The following DCC variants were observed in gnomAD, a reference collection of about 807,000 sequenced individuals.
DCC encodes DCC netrin 1 receptor.
Under a neutral mutation model 172.5 loss-of-function variants are expected in DCC, and 58 were observed. The observed-to-expected ratio is 0.34, with a 90% CI of 0.27 to 0.42. The LOEUF (loss-of-function observed/expected upper bound fraction) is 0.42. Ranked by LOEUF, DCC falls within the 10% of genes least tolerant of loss-of-function variation. DCC has a pLI of 1.00. For synonymous variants in DCC, 709 were observed against 644.5 expected (o/e 1.10, Z -1.52); for missense variants, 1,740 against 1,791.0 (o/e 0.97, Z 0.51).
intron 1 of DCC, among the ~76,000 whole-genome samples, chr18:52,725,422 A>G (rs1599050726): frequency 1.3e-5 from 2 of 152,378 alleles, no homozygotes; most frequent in South Asian, 4.1e-4. Context: ...ACGGTGACAT[A>G]ATAGAATAAT....
At chr18:53,524,017 C>G (rs553082866) in intron 27 of DCC, among the ~76,000 whole-genome samples, 2 of 151,958 alleles carry the variant, frequency 1.3e-5, no homozygotes, top group East Asian at 3.9e-4. Context: ...AGATGTTGGT[C>G]AAATGGTACA....
Position 53,466,343 on chromosome 18 carries a change from TC to T in DCC, c.3620-1548del, listed in dbSNP as rs757554790. 1.6e-3 allele frequency among the ~76,000 whole-genome samples: 241 copies of T among 152,280 alleles called. 1 individual carries two copies. The highest frequency in any genetic ancestry group is 2.8e-3 in the Non-Finnish European group (189 of 68,020). On this transcript the variant is annotated intron_variant, in intron 24 of 28. Transcript: ENST00000442544. ...TTAGGTCAGTCTTGTGATCCTTATT[TC>T]CCTCTTCTCTCTTCTATACAGACTT...
At chr18:52,984,474 AAAT>A (rs1484774325) in intron 5 of DCC, among the ~76,000 whole-genome samples, 1 of 152,108 alleles carries the variant, frequency 6.6e-6, no homozygotes, top group Admixed American at 6.6e-5. Flanking sequence ...CATAAGGGAA[AAAT>A]AATAAACATA....
chr18:53,493,656 T>C (rs1421755709), intron 26 of DCC, among the ~76,000 whole-genome samples: 1 of 152,172 alleles, frequency 6.6e-6, no homozygotes, highest in Non-Finnish European at 1.5e-5. Flanking sequence ...TTCTTCTCTC[T>C]TTTCTTCTTT....
intron 9 of DCC, among the ~76,000 whole-genome samples, chr18:53,192,676 G>A (rs969316341): frequency 1.3e-5 from 2 of 152,118 alleles, no homozygotes; most frequent in African/African-American, 4.8e-5. Flanking sequence ...TATCTAACTG[G>A]GAGCTTATAA....
intron 2 of DCC, among the ~76,000 whole-genome samples, chr18:52,902,143 T>C (rs1167678070): frequency 1.3e-5 from 2 of 152,158 alleles, no homozygotes; most frequent in Non-Finnish European, 2.9e-5. Flanking sequence ...TCAATAGATC[T>C]GAGAATTGTT....
At chr18:52,879,194 T>G (rs2039444103) in intron 2 of DCC, among the ~76,000 whole-genome samples, 1 of 152,108 alleles carries the variant, frequency 6.6e-6, no homozygotes, top group South Asian at 2.1e-4. Context: ...TTCATAAACC[T>G]TTGCTTCTTT....
intron 5 of DCC, among the ~76,000 whole-genome samples, chr18:53,017,176 C>A (rs573498298): frequency 9.4e-4 from 142 of 151,312 alleles, no homozygotes; most frequent in Non-Finnish European, 1.7e-3. Context: ...CCCGGGTTCA[C>A]GCCATTCTCC....
intron 6 of DCC, 56 bp downstream of exon 6, chr18:53,063,515 T>C: frequency 7.1e-7 from 1 of 1,415,730 alleles, no homozygotes; most frequent in South Asian, 1.2e-5. Flanking sequence ...TTCTATTTTT[T>C]TCACTTGTTT....
chr18:53,003,376 G>A (rs1191718658), intron 5 of DCC, among the ~76,000 whole-genome samples: 1 of 152,134 alleles, frequency 6.6e-6, no homozygotes, highest in Non-Finnish European at 1.5e-5. Context: ...ATGGCCCTGG[G>A]GTCAGTGGCG....
intron 1 of DCC, among the ~76,000 whole-genome samples, chr18:52,513,642 T>C (rs1203502505): frequency 1.3e-5 from 2 of 152,130 alleles, no homozygotes; most frequent in Non-Finnish European, 2.9e-5. Flanking sequence ...AATAGATGAG[T>C]CAGAATGCAA....
chr18:53,047,886 TTG>T (rs767526846), intron 5 of DCC, among the ~76,000 whole-genome samples: 2 of 149,248 alleles, frequency 1.3e-5, no homozygotes, highest in Admixed American at 6.7e-5. Context: ...CTATTTTCTT[TTG>T]TGTTTTCCTT....
intron 7 of DCC, among the ~76,000 whole-genome samples, chr18:53,091,837 ATCTATCTATCTATCAATCTATC>A: frequency 1.3e-5 from 1 of 75,176 alleles, no homozygotes; most frequent in African/African-American, 6.4e-5. Flanking sequence ...CTATCTATCT[ATCTATCTATCTATCAATCTATC>A]TATATATATA....
chr18:52,585,076 G>A (rs981286229), intron 1 of DCC, among the ~76,000 whole-genome samples: 2 of 152,128 alleles, frequency 1.3e-5, no homozygotes, highest in Non-Finnish European at 2.9e-5. Context: ...CAAAGCACAC[G>A]CTCACTGGGA....
intron 27 of DCC, among the ~76,000 whole-genome samples, chr18:53,526,384 T>C (rs1275018502): frequency 1.3e-5 from 2 of 152,130 alleles, no homozygotes; most frequent in Non-Finnish European, 2.9e-5. Flanking sequence ...TGGAATCTAC[T>C]TGCAATTACA....
intron 25 of DCC, among the ~76,000 whole-genome samples, chr18:53,468,423 C>G (rs1019582928): frequency 4.2e-5 from 4 of 95,026 alleles, no homozygotes; most frequent in Non-Finnish European, 1.1e-4. Flanking sequence ...TGCTGTGTTG[C>G]CCAGGTTGGA....
At chr18:52,791,172 C>T (rs538626674) in intron 2 of DCC, among the ~76,000 whole-genome samples, 1 of 152,150 alleles carries the variant, frequency 6.6e-6, no homozygotes, top group Admixed American at 6.6e-5. Flanking sequence ...GGGGAATTCT[C>T]TCTGTGCCTG....
At chr18:53,191,179 G>A (rs1310386417) in intron 9 of DCC, among the ~76,000 whole-genome samples, 1 of 152,116 alleles carries the variant, frequency 6.6e-6, no homozygotes, top group Non-Finnish European at 1.5e-5. Flanking sequence ...CTTCAGAGGG[G>A]TTAATTGGCT....
At chr18:53,221,785 G>C (rs1568373908) in intron 12 of DCC, among the ~76,000 whole-genome samples, 1 of 152,108 alleles carries the variant, frequency 6.6e-6, no homozygotes, top group African/African-American at 2.4e-5. Flanking sequence ...AAAACTTAAT[G>C]AATCAGTGGT....
Sources: allele counts gnomAD v4.1 joint callset (sites outside exome capture counted in the v4.1 genomes callset), GRCh38; gene constraint gnomAD v4.1.1; transcripts MANE v1.5; gene names NCBI Gene and HGNC (gene_info 2026-07-23, HGNC 2026-07-21).